The following TMOD1 variants were observed in gnomAD, a reference collection of about 807,000 sequenced individuals.
The protein encoded by TMOD1 is tropomodulin-1.
TMOD1 carries 17 observed loss-of-function variants against 40.6 expected under a neutral mutation model. That is an observed-to-expected ratio of 0.42 (90% CI 0.29 to 0.63). TMOD1 has a LOEUF of 0.63. Among genes scored for constraint, TMOD1 ranks in the 20% least tolerant of loss-of-function variants. TMOD1 has a pLI of 0.22. For missense variants in TMOD1, 391 were observed against 447.6 expected, an observed-to-expected ratio of 0.87 and a Z score of 1.14; for synonymous variants, 181 against 175.0, an observed-to-expected ratio of 1.03 and a Z score of -0.27.
chr9:97,539,920 C>T (rs1351456018), intron 2 of TMOD1, among the ~76,000 whole-genome samples: 31 of 134,370 alleles, frequency 2.3e-4, no homozygotes, highest in African/African-American at 7.4e-4. Context: ...TGCAGTGAAC[C>T]GAGATCATGC....
At chr9:97,571,841 A>G (rs758169648) in intron 8 of TMOD1, among the ~76,000 whole-genome samples, 2 of 152,220 alleles carry the variant, frequency 1.3e-5, no homozygotes, top group Non-Finnish European at 2.9e-5. Context: ...GGGCCTGAGC[A>G]CTGGTCAGCA....
At chr9:97,555,621 T>C (rs1830525666) in intron 4 of TMOD1, 8 of 1,550,730 alleles carry the variant, frequency 5.2e-6, no homozygotes, top group East Asian at 2.4e-5. Flanking sequence ...TGGATGCCTG[T>C]CATTTGATGT....
chr9:97,556,728 G>A (rs1011961930), intron 4 of TMOD1, among the ~76,000 whole-genome samples: 15 of 152,240 alleles, frequency 9.9e-5, no homozygotes, highest in Admixed American at 3.3e-4. Context: ...GAGAGTGAGC[G>A]TCTGAACAGA....
Position 97,564,101 on chromosome 9 carries a change from A to C in TMOD1, c.551A>C (p.Glu184Ala), listed in dbSNP as rs1830688056. The C allele has an allele frequency of 1.9e-6, 3 of 1,614,222 alleles. No individual in the cohort carries two copies. Among genetic ancestry groups the C allele is most frequent in the African/African-American group, 2.7e-5 (2 of 75,060 alleles). ...PDEEPNSTDV[E>A]ETLERIKNND... is the part of the protein sequence containing the mutation. ...GAAGAACCAAATTCAACAGACGTAG[A>C]GGAAACGCTGGAACGGATAAAGAAC... Residue 184 changes from glutamate (E) to alanine (A), a missense_variant, in exon 6 of 10, where the codon GAG (glutamate) becomes GCG (alanine). By Grantham distance (107) the Glu-to-Ala change is moderately radical. Transcript: ENST00000259365.
intron 4 of TMOD1, among the ~76,000 whole-genome samples, chr9:97,559,794 A>ATATATAT (rs1554683057): frequency 4.3e-3 from 100 of 23,038 alleles, no homozygotes; most frequent in South Asian, 6.4e-3. Context: ...AAAAAAAAAA[A>ATATATAT]ATATATATAT....
intron 5 of TMOD1, 26 bp downstream of exon 5, chr9:97,562,847 G>A (rs1830661944): frequency 1.3e-6 from 2 of 1,556,828 alleles, no homozygotes; most frequent in Non-Finnish European, 1.7e-6. Flanking sequence ...CCCCCAGGAG[G>A]GACCTCATGC....
chr9:97,567,339 A>G (rs72751529), intron 7 of TMOD1, among the ~76,000 whole-genome samples: 10,577 of 152,300 alleles, frequency 0.069, 398 homozygotes, highest in Non-Finnish European at 0.083. Context: ...CCAACAGCTG[A>G]TATCAGCCTA....
intron 4 of TMOD1, among the ~76,000 whole-genome samples, chr9:97,561,823 C>T (rs907047208): frequency 2.0e-5 from 3 of 152,236 alleles, no homozygotes; most frequent in African/African-American, 7.2e-5. Flanking sequence ...TTCCCACCTG[C>T]ATTCCTCTGC....
intron 2 of TMOD1, among the ~76,000 whole-genome samples, chr9:97,534,374 A>C (rs1182921810): frequency 6.6e-6 from 1 of 152,232 alleles, no homozygotes; most frequent in Non-Finnish European, 1.5e-5. Flanking sequence ...AACCAAATCC[A>C]GGCCCTCAAA....
chr9:97,567,112 T>C (rs1830740516), intron 7 of TMOD1, among the ~76,000 whole-genome samples: 1 of 152,234 alleles, frequency 6.6e-6, no homozygotes. Flanking sequence ...ATTTTTGAAA[T>C]AATAGAAATA....
At chr9:97,554,417 T>G (rs577910127) in intron 4 of TMOD1, among the ~76,000 whole-genome samples, 101 of 152,164 alleles carry the variant, frequency 6.6e-4, no homozygotes, top group African/African-American at 2.2e-3. Context: ...GCCACCCAAG[T>G]AGGGTCAGTT....
chr9:97,566,130 C>T (rs1461809919), intron 7 of TMOD1, among the ~76,000 whole-genome samples, 175 bp downstream of exon 7: 1 of 152,090 alleles, frequency 6.6e-6, no homozygotes, highest in Non-Finnish European at 1.5e-5. Context: ...CACCTGGCAC[C>T]ACCTACACGT....
intron 1 of TMOD1, among the ~76,000 whole-genome samples, chr9:97,519,337 G>A (rs1193528553): frequency 2.6e-5 from 4 of 152,232 alleles, no homozygotes; most frequent in African/African-American, 7.2e-5. Flanking sequence ...CATATTTAAC[G>A]GAGGCTTAAG....
intron 5 of TMOD1, 141 bp from the exon 6 acceptor site, chr9:97,563,897 C>T: frequency 8.4e-7 from 1 of 1,190,578 alleles, no homozygotes; most frequent in Non-Finnish European, 1.2e-6. Context: ...GAGTGGTGCC[C>T]CCTACCCCCA....
chr9:97,542,304 T>A (rs555164187), intron 2 of TMOD1, among the ~76,000 whole-genome samples: 6 of 152,224 alleles, frequency 3.9e-5, no homozygotes, highest in Non-Finnish European at 8.8e-5. Context: ...CTTTAACCTC[T>A]AATGAGGCTG....
chr9:97,545,069 G>T (rs547279447), intron 2 of TMOD1, among the ~76,000 whole-genome samples: 1 of 152,074 alleles, frequency 6.6e-6, no homozygotes, highest in South Asian at 2.1e-4. Flanking sequence ...CAGTTTGAGG[G>T]TGCATATCTT....
chr9:97,526,159 G>A (rs1015231044), intron 2 of TMOD1, among the ~76,000 whole-genome samples: 1 of 152,246 alleles, frequency 6.6e-6, no homozygotes, highest in African/African-American at 2.4e-5. Flanking sequence ...GTTATATCGA[G>A]CCAGCAGCTT....
At position 97,517,389 on chromosome 9, in the gene TMOD1, C is replaced by T. The variant is rs151008508; in HGVS notation, c.-48-6752C>T. Among the ~76,000 whole-genome samples, 46 of 151,548 alleles carry T rather than the reference C, an allele frequency of 3.0e-4. 1 individual carries two copies. In the East Asian group the frequency reaches 7.4e-3, roughly 24 times the overall value. ...AAGAGCTTTGTCAGGCTCAGGCTGG[C>T]CCTGAGCTGGAGAGTGGGCTGGGAA... On this transcript the variant is annotated intron_variant, in intron 1 of 9. Coordinates refer to ENST00000259365, the MANE Select transcript of TMOD1 (RefSeq NM_003275.4).
intron 2 of TMOD1, among the ~76,000 whole-genome samples, chr9:97,529,254 G>A (rs1042091318): frequency 6.6e-6 from 1 of 152,144 alleles, no homozygotes; most frequent in African/African-American, 2.4e-5. Flanking sequence ...GCTCTGCTCT[G>A]GACTTGGGTA....
Sources: allele counts gnomAD v4.1 joint callset (sites outside exome capture counted in the v4.1 genomes callset), GRCh38; gene constraint gnomAD v4.1.1; transcripts MANE v1.5; gene names NCBI Gene and HGNC (gene_info 2026-07-23, HGNC 2026-07-21).